STX8: variants seen among roughly 807,000 people sequenced by gnomAD.
STX8 encodes the protein syntaxin-8.
STX8 carries 23 observed loss-of-function variants against 37.5 expected under a neutral mutation model. The ratio of observed to expected loss-of-function variants is 0.61; its 90% CI spans 0.44 to 0.87. The LOEUF is 0.87. STX8 is among the 40% of genes least tolerant of loss of function. STX8 has a pLI of 0.00. For synonymous variants in STX8, 115 were observed against 99.1 expected (o/e 1.16, Z -0.95); for missense variants, 313 against 284.7 (o/e 1.10, Z -0.71).
At chr17:9,573,291 T>G (rs1907757235) in intron 1 of STX8, among the ~76,000 whole-genome samples, 1 of 152,118 alleles carries the variant, frequency 6.6e-6, no homozygotes, top group African/African-American at 2.4e-5. Context: ...ACACTTACAA[T>G]GTATTCTCTC....
rs528441857 is a variant in STX8, at chr17:9,558,728, CAGG to C, written c.118-1203_118-1201del. ...GTCCCAGCTACGCGGGAGGCTGAGGCAGGAGAACGGCGTGAACCCTGGAGGCGG... is the reference window on the plus strand; with the variant it reads ...GTCCCAGCTACGCGGGAGGCTGAGGCAGAACGGCGTGAACCCTGGAGGCGG... On this transcript the variant is annotated intron_variant, in intron 2 of 7. Transcript: ENST00000306357. 2.6e-5 allele frequency among the ~76,000 whole-genome samples: 4 copies of C among 151,914 alleles called. No individual in the cohort carries two copies. In the East Asian group the frequency reaches 7.8e-4, roughly 29 times the overall value.
Position 9,284,351 on chromosome 17 carries a change from C to A in STX8, c.644-33706G>T, listed in dbSNP as rs28656421. The stretch of plus-strand genomic sequence containing the variant: ...CAATGATCAACTACAAGACGGCTCA[C>A]CAAAACAAATAAGCAAAAAAGGTTA... On this transcript the variant is annotated intron_variant, in intron 7 of 7. Coordinates refer to ENST00000306357, the MANE Select transcript of STX8 (RefSeq NM_004853.3). Among the ~76,000 whole-genome samples, 424 of 152,258 alleles carry A rather than the reference C, an allele frequency of 2.8e-3. 3 individuals carry two copies. Among genetic ancestry groups the A allele is most frequent in the African/African-American group, 9.7e-3 (404 of 41,552 alleles).
chr17:9,262,574 G>T (rs1028070711), intron 7 of STX8, among the ~76,000 whole-genome samples: 3 of 146,782 alleles, frequency 2.0e-5, no homozygotes, highest in Non-Finnish European at 4.4e-5. Context: ...TGTTTTTTTT[G>T]TTTTGTTTTG....
At chr17:9,502,345 T>G (rs1381737490) in intron 5 of STX8, among the ~76,000 whole-genome samples, 1 of 152,110 alleles carries the variant, frequency 6.6e-6, no homozygotes, top group East Asian at 1.9e-4. Context: ...GAATACAAAA[T>G]TTCAGTTAGA....
intron 5 of STX8, among the ~76,000 whole-genome samples, chr17:9,493,309 C>A (rs940212453): frequency 6.6e-6 from 1 of 152,010 alleles, no homozygotes; most frequent in Non-Finnish European, 1.5e-5. Context: ...GAAAATGAAC[C>A]AAGGCTGCTT....
intron 6 of STX8, among the ~76,000 whole-genome samples, chr17:9,469,555 C>T (rs1360445007): frequency 6.6e-6 from 1 of 152,124 alleles, no homozygotes; most frequent in Admixed American, 6.6e-5. Context: ...ACAAACTCTC[C>T]GTGAGCCCAT....
intron 7 of STX8, among the ~76,000 whole-genome samples, chr17:9,346,789 C>T (rs1910549360): frequency 6.6e-6 from 1 of 152,204 alleles, no homozygotes; most frequent in African/African-American, 2.4e-5. Context: ...AGTTTTATGG[C>T]TGTACCAGTT....
chr17:9,271,785 A>G lies in STX8; in HGVS notation c.644-21140T>C, dbSNP rs1597576310. On this transcript the variant is annotated intron_variant, in intron 7 of 7. Transcript: ENST00000306357. ...AAAAAAAAAGAAAGAAAGAAATTCA[A>G]CTTCAAGGGTCCTACCTAGAAACCT... 2.6e-5 allele frequency among the ~76,000 whole-genome samples: 4 copies of G among 152,072 alleles called. No individual in the cohort carries two copies. In the East Asian group the frequency reaches 7.7e-4, roughly 29 times the overall value.
At chr17:9,275,374 C>T (rs543829608) in intron 7 of STX8, among the ~76,000 whole-genome samples, 9 of 152,328 alleles carry the variant, frequency 5.9e-5, no homozygotes, top group African/African-American at 2.4e-5. Context: ...AGGGAGACAT[C>T]GCTGCTCTCT....
chr17:9,455,724 A>G (rs985579304), intron 6 of STX8, among the ~76,000 whole-genome samples: 2 of 152,214 alleles, frequency 1.3e-5, no homozygotes, highest in Non-Finnish European at 2.9e-5. Flanking sequence ...AACTTAAAAT[A>G]TGGACAGGAA....
chr17:9,431,019 G>T (rs1344992458), intron 6 of STX8, among the ~76,000 whole-genome samples: 17 of 150,760 alleles, frequency 1.1e-4, no homozygotes, highest in African/African-American at 3.4e-4. Context: ...TTTTGTTGTT[G>T]TTGTTTTGGT....
intron 5 of STX8, among the ~76,000 whole-genome samples, chr17:9,503,149 A>T (rs1904688320): frequency 6.6e-6 from 1 of 151,314 alleles, no homozygotes; most frequent in African/African-American, 2.4e-5. Context: ...TGATACACAT[A>T]ACCAGTTCAA....
intron 6 of STX8, among the ~76,000 whole-genome samples, chr17:9,447,224 T>A (rs1230902758): frequency 1.3e-5 from 2 of 152,226 alleles, no homozygotes; most frequent in Non-Finnish European, 2.9e-5. Context: ...GTAAGTGCGT[T>A]AATCTGTTCC....
At chr17:9,266,062 C>G (rs1266067577) in intron 7 of STX8, among the ~76,000 whole-genome samples, 1 of 152,076 alleles carries the variant, frequency 6.6e-6, no homozygotes, top group Non-Finnish European at 1.5e-5. Flanking sequence ...GCGGGTAAGA[C>G]TAGGGTGCCT....
chr17:9,529,715 A>G (rs1373708289), intron 4 of STX8, among the ~76,000 whole-genome samples: 2 of 152,228 alleles, frequency 1.3e-5, no homozygotes, highest in East Asian at 1.9e-4. Context: ...TGTGGTGTAC[A>G]GTTGTAGATT....
intron 7 of STX8, among the ~76,000 whole-genome samples, chr17:9,269,733 C>T (rs1907383024): frequency 6.6e-6 from 1 of 152,176 alleles, no homozygotes; most frequent in Non-Finnish European, 1.5e-5. Flanking sequence ...CGAAATGATC[C>T]AGTTTTCCCA....
chr17:9,547,581 C>T (rs1365511135), intron 3 of STX8, among the ~76,000 whole-genome samples: 7 of 138,130 alleles, frequency 5.1e-5, no homozygotes, highest in East Asian at 4.6e-4. Context: ...TGAGCCGAGA[C>T]TGTGCCACTG....
chr17:9,559,496 A>G (rs146431408), intron 2 of STX8, among the ~76,000 whole-genome samples: 2,854 of 151,742 alleles, frequency 0.019, 41 homozygotes, highest in South Asian at 0.034. Context: ...TGATTAGTAC[A>G]GTACAGGGGA....
rs78646464 is a variant in STX8 at position 9,507,594 on chromosome 17, C to A, written c.324-2432G>T. Reference sequence around the variant, plus strand: ...ACAGGCCACCTCTGGCAGGCATACTCCCAGACTGGCCAAGCAACCAAGCAA... The same window carrying A: ...ACAGGCCACCTCTGGCAGGCATACTACCAGACTGGCCAAGCAACCAAGCAA... On this transcript the variant is annotated intron_variant, in intron 4 of 7. Coordinates refer to ENST00000306357, the MANE Select transcript of STX8 (RefSeq NM_004853.3). The surrounding 1 kb of genome is among the most constrained non-coding windows in gnomAD (Gnocchi z 4.0). 9.2e-5 allele frequency among the ~76,000 whole-genome samples: 14 copies of A among 152,336 alleles called. No homozygotes were observed. Among genetic ancestry groups the A allele is most frequent in the African/African-American group, 3.1e-4 (13 of 41,558 alleles).
Sources: gnomAD v4.1 joint callset for allele counts (sites outside exome capture counted in the v4.1 genomes callset) on GRCh38, gnomAD v4.1.1 for gene constraint, Gnocchi (gnomAD v3.1) non-coding constraint, MANE v1.5 for transcripts, NCBI Gene and HGNC (gene_info 2026-07-23, HGNC 2026-07-21) for gene names.